Variants in PIKFYVE observed in about 807,000 individuals in gnomAD.
PIKFYVE encodes the protein phosphoinositide kinase, FYVE-type zinc finger containing.
A neutral mutation model predicts 257.9 loss-of-function variants in PIKFYVE; 122 were observed. That is an observed-to-expected ratio of 0.47 (90% CI 0.41 to 0.55). The LOEUF (loss-of-function observed/expected upper bound fraction) is 0.55, where lower values mean the gene tolerates loss of function less well. Ranked by LOEUF, PIKFYVE falls within the 20% of genes least tolerant of loss-of-function variation. PIKFYVE has a pLI of 0.00. For missense variants in PIKFYVE, 2,160 were observed against 2,536.6 expected (o/e 0.85, Z 3.19); for synonymous variants, 892 against 868.9 (o/e 1.03, Z -0.47).
In PIKFYVE at chr2:208,285,710, T is replaced by C; in HGVS notation, c.614-16T>C. ...CCTTCAATTTCCTTGTTTTTGTTTTTGTTTTTTTCTCCTAGGAGACCTCCG... is the reference window on the plus strand; with the variant it reads ...CCTTCAATTTCCTTGTTTTTGTTTTCGTTTTTTTCTCCTAGGAGACCTCCG... On this transcript the variant is annotated splice_polypyrimidine_tract_variant and intron_variant, in intron 5 of 41. Transcript: ENST00000264380. The C allele has an allele frequency of 6.2e-7, 1 of 1,605,304 alleles. No homozygotes were observed. The highest frequency in any genetic ancestry group is 8.5e-7 in the Non-Finnish European group (1 of 1,172,112).
chr2:208,339,121 T>TA (rs999682896), intron 29 of PIKFYVE, among the ~76,000 whole-genome samples: 1 of 152,306 alleles, frequency 6.6e-6, no homozygotes. Flanking sequence ...TCTATTAAAC[T>TA]AAAAACTAAT....
In PIKFYVE at chr2:208,340,206, T is replaced by C. The variant is rs763537825; in HGVS notation, c.4931+75T>C. ...TAGTTGCTCGCTTCATATTTAAATATATTTATCTGATGCATGATTTTTCAA... is the reference window on the plus strand; with the variant it reads ...TAGTTGCTCGCTTCATATTTAAATACATTTATCTGATGCATGATTTTTCAA... On this transcript the variant is annotated intron_variant, in intron 31 of 41. Transcript: ENST00000264380. 16 of 1,534,564 alleles carry C rather than the reference T, an allele frequency of 1.0e-5. No individual in the cohort carries two copies. In the African/African-American group the frequency reaches 1.5e-4, roughly 15 times the overall value.
At chr2:208,316,171 C>T (rs138105985) in intron 15 of PIKFYVE, among the ~76,000 whole-genome samples, 4,362 of 151,732 alleles carry the variant, frequency 0.029, 197 homozygotes, top group African/African-American at 0.099. Context: ...TGATGATTTC[C>T]AATTTCATCC....
chr2:208,304,130 A>G (rs758075155), intron 10 of PIKFYVE, 41 bp from the exon 11 acceptor site: 18 of 1,606,922 alleles, frequency 1.1e-5, no homozygotes, highest in East Asian at 2.2e-5. Context: ...CATTGTTGCC[A>G]TTGAAGGCCA....
At chr2:208,295,142 G>A (rs1016586587) in intron 7 of PIKFYVE, among the ~76,000 whole-genome samples, 1 of 152,236 alleles carries the variant, frequency 6.6e-6, no homozygotes, top group Non-Finnish European at 1.5e-5. Flanking sequence ...AGTATTTGGA[G>A]CAGGATTTGG....
chr2:208,353,489 A>C (rs1166107651), intron 39 of PIKFYVE, among the ~76,000 whole-genome samples: 2 of 151,682 alleles, frequency 1.3e-5, no homozygotes, highest in African/African-American at 4.8e-5. Flanking sequence ...TGCTGTAAGT[A>C]ATTGTCCAGA....
chr2:208,350,068 C>T lies in PIKFYVE; in HGVS notation c.5419C>T (p.Pro1807Ser). Residue 1807 changes from proline (P) to serine (S), a missense_variant, in exon 36 of 42, where the codon CCT becomes TCT. Pro to Ser is a moderately conservative substitution (Grantham distance 74). Around this residue, in one of 12 missense-constraint regions of PIKFYVE, gnomAD observed 699 missense variants for 855.8 expected, o/e 0.82. Coordinates refer to ENST00000264380, the MANE Select transcript of PIKFYVE (RefSeq NM_015040.4). ...TACACAAAAGAAGCAACTCATAAAT[C>T]CTCATGTGGAACTTCGTAAGTATGA... ...GDTQKKQLIN[P>S]HVELQFSDAN... 6.2e-7 allele frequency: 1 copy of T among 1,612,296 alleles called. No homozygotes were observed. The highest frequency in any genetic ancestry group is 8.5e-7 in the Non-Finnish European group (1 of 1,178,916).
At chr2:208,305,510 A>G (rs1381238355) in intron 12 of PIKFYVE, 1 of 855,078 alleles carries the variant, frequency 1.2e-6, no homozygotes, top group Non-Finnish European at 1.4e-6. Context: ...TATTATGTAT[A>G]TTCTATATTT....
chr2:208,353,383 T>G (rs1321753960), intron 39 of PIKFYVE, among the ~76,000 whole-genome samples: 2 of 152,248 alleles, frequency 1.3e-5, no homozygotes, highest in Non-Finnish European at 2.9e-5. Context: ...TAGAATATAC[T>G]ACAGGTTGTA....
intron 2 of PIKFYVE, among the ~76,000 whole-genome samples, chr2:208,273,241 A>G (rs182456437): frequency 6.6e-6 from 1 of 152,274 alleles, no homozygotes; most frequent in Admixed American, 6.5e-5. Context: ...CAAATAGGAG[A>G]TCATATATAC....
chr2:208,266,827 G>A (rs1688698512), intron 1 of PIKFYVE, among the ~76,000 whole-genome samples: 1 of 152,214 alleles, frequency 6.6e-6, no homozygotes, highest in Non-Finnish European at 1.5e-5. Flanking sequence ...CTGCAGAAAC[G>A]ATACCAACCG....
chr2:208,312,438 A>G, intron 13 of PIKFYVE, 143 bp downstream of exon 13: 2 of 674,046 alleles, frequency 3.0e-6, no homozygotes, highest in Non-Finnish European at 5.1e-6. Context: ...AGTTTTTAAT[A>G]TATATAATGA....
chr2:208,333,566 C>G (rs2125658561), intron 24 of PIKFYVE, 73 bp downstream of exon 24: 1 of 1,471,336 alleles, frequency 6.8e-7, no homozygotes, highest in Admixed American at 1.8e-5. Flanking sequence ...AACATTTTCA[C>G]CATTACTAGA....
intron 27 of PIKFYVE, 57 bp downstream of exon 27, chr2:208,336,257 AT>A: frequency 6.3e-7 from 1 of 1,597,466 alleles, no homozygotes; most frequent in African/African-American, 1.3e-5. Flanking sequence ...TTCTAATGTG[AT>A]ATCTTAAAAC....
At chr2:208,348,092 T>C (rs1699407100) in intron 35 of PIKFYVE, 69 bp downstream of exon 35, 1 of 1,558,540 alleles carries the variant, frequency 6.4e-7, no homozygotes, top group African/African-American at 1.4e-5. Flanking sequence ...CATATATTTC[T>C]TATAGCCTTA....
intron 5 of PIKFYVE, 44 bp downstream of exon 5, chr2:208,277,752 A>T (rs1690293430): frequency 6.3e-7 from 1 of 1,589,356 alleles, no homozygotes; most frequent in Admixed American, 1.7e-5. Context: ...AAAGGTCATA[A>T]CTATAAGACA....
chr2:208,341,992 T>C (rs1179417874), intron 31 of PIKFYVE, among the ~76,000 whole-genome samples: 1 of 151,914 alleles, frequency 6.6e-6, no homozygotes, highest in African/African-American at 2.4e-5. Flanking sequence ...ATCTTACACA[T>C]GTAAGATCCT....
intron 34 of PIKFYVE, among the ~76,000 whole-genome samples, chr2:208,346,517 C>G (rs1218247240): frequency 6.6e-6 from 1 of 152,172 alleles, no homozygotes; most frequent in Non-Finnish European, 1.5e-5. Context: ...AATTTTCATA[C>G]ATTCCCTCCT....
At chr2:208,338,252 T>A (rs1338335109) in intron 28 of PIKFYVE, among the ~76,000 whole-genome samples, 1 of 152,174 alleles carries the variant, frequency 6.6e-6, no homozygotes, top group Non-Finnish European at 1.5e-5. Flanking sequence ...TGTTTAAATG[T>A]TACTTATATT....
Sources: allele counts gnomAD v4.1 joint callset (sites outside exome capture counted in the v4.1 genomes callset), GRCh38; gene constraint gnomAD v4.1.1; regional missense constraint gnomAD v4.1.1; transcripts MANE v1.5; gene names NCBI Gene and HGNC (gene_info 2026-07-23, HGNC 2026-07-21).